Variants in SHTN1 observed in about 807,000 individuals in gnomAD.
SHTN1 encodes shootin-1.
In SHTN1, 42 loss-of-function variants were observed where a neutral mutation model predicts 83.1. The ratio of observed to expected loss-of-function variants is 0.51; its 90% CI spans 0.39 to 0.65. The LOEUF (loss-of-function observed/expected upper bound fraction) is 0.65. Among genes scored for constraint, SHTN1 ranks in the 30% least tolerant of loss-of-function variants. The pLI, the probability that SHTN1 is intolerant of heterozygous loss-of-function variation, is 0.00. For missense variants in SHTN1, 622 were observed against 737.8 expected (o/e 0.84, Z 1.82); for synonymous variants, 224 against 247.7 (o/e 0.90, Z 0.90).
At chr10:116,949,491 T>C (rs1273838424) in intron 6 of SHTN1, among the ~76,000 whole-genome samples, 1 of 152,102 alleles carries the variant, frequency 6.6e-6, no homozygotes, top group Non-Finnish European at 1.5e-5. Context: ...CAAGAATCAT[T>C]TAGTCAAGAT....
In SHTN1 at chr10:117,065,727, T is replaced by A. The variant is rs9702230; in HGVS notation, c.-188-17217A>T. Among the ~76,000 whole-genome samples, 12 of 12,008 alleles carry A rather than the reference T, an allele frequency of 1.0e-3. 3 individuals are homozygous for A. The highest frequency in any genetic ancestry group is 2.4e-3 in the Non-Finnish European group (9 of 3,714). The allele number at this position is 12,008 out of a possible 152,430, so 7.9% of individuals were successfully genotyped here. ...AGCGAGAGAGAGAGAGAGAGAGAGA[T>A]GAAAGAAAGAAAGAAAGAAAGAAAG... On this transcript the variant is annotated intron_variant, in intron 1 of 17. Coordinates refer to the SHTN1 transcript ENST00000392901.
At position 116,944,987 on chromosome 10, in the gene SHTN1, C is replaced by T. The variant is rs1018935324; in HGVS notation, c.648G>A (p.Glu216=). The T allele has an allele frequency of 1.2e-6, 2 of 1,610,330 alleles. No individual in the cohort carries two copies. Among genetic ancestry groups the T allele is most frequent in the Middle Eastern group, 1.6e-4 (1 of 6,076 alleles). The part of the protein sequence containing the change: ...VSMLAVEEYE[E]MQVNLELEKD... ...TCTCCAGCTCCAGGTTTACTTGCAT[C>T]TCCTCATACTCTTCTACAGCTAACA... Residue 216 remains glutamate, a synonymous_variant, in exon 8 of 17, where the codon GAG becomes GAA. Transcript: ENST00000355371.
chr10:117,048,195 G>C (rs1330856521), intron 2 of SHTN1, among the ~76,000 whole-genome samples: 2 of 152,094 alleles, frequency 1.3e-5, no homozygotes, highest in South Asian at 2.1e-4. Flanking sequence ...TTATGAATAA[G>C]ATTAAGTGGC....
At chr10:117,017,257 C>G (rs376178168) in intron 2 of SHTN1, among the ~76,000 whole-genome samples, 2 of 151,914 alleles carry the variant, frequency 1.3e-5, no homozygotes, top group Non-Finnish European at 2.9e-5. Context: ...TTTGGGAGGC[C>G]GAGGAGGGCG....
At chr10:117,065,776 GAAAGAAA>G (rs1564947261) in intron 1 of SHTN1, among the ~76,000 whole-genome samples, 5 of 25,486 alleles carry the variant, frequency 2.0e-4, no homozygotes, top group Non-Finnish European at 4.2e-4. Context: ...AAGAAAGAAA[GAAAGAAA>G]GGAAGGAAGG....
chr10:117,009,141 T>G (rs915581918), upstream of SHTN1, among the ~76,000 whole-genome samples: 1 of 151,378 alleles, frequency 6.6e-6, no homozygotes, highest in Non-Finnish European at 1.5e-5. Flanking sequence ...AAAGAAAATA[T>G]CAACCAAATA....
intron 1 of SHTN1, among the ~76,000 whole-genome samples, chr10:117,094,221 T>C (rs527951369): frequency 1.3e-5 from 2 of 152,350 alleles, no homozygotes; most frequent in South Asian, 4.1e-4. Flanking sequence ...GTATTTGTCT[T>C]GACTTATTTT....
At chr10:116,904,024 G>A (rs976762645) in intron 15 of SHTN1, among the ~76,000 whole-genome samples, 1 of 152,112 alleles carries the variant, frequency 6.6e-6, no homozygotes, top group Non-Finnish European at 1.5e-5. Context: ...TAAGGAAAAG[G>A]GTACAACATC....
chr10:117,097,028 T>TAC lies in SHTN1; in HGVS notation c.-189+29278_-189+29279insGT, dbSNP rs1472242175. On this transcript the variant is annotated intron_variant, in intron 1 of 17. Transcript: ENST00000392901. ...GCACGCGCGCGCACACACACACACA[T>TAC]AGACACACACACACACACACACACA... is the stretch of plus-strand genomic sequence containing the variant. Among the ~76,000 whole-genome samples the TAC allele has an allele frequency of 3.6e-3, 358 of 98,530 alleles. 5 individuals carry two copies. Among genetic ancestry groups the TAC allele is most frequent in the South Asian group, 0.014 (37 of 2,650 alleles). The allele number at this position is 98,530 out of a possible 152,430, so 64.6% of individuals were successfully genotyped here.
intron 2 of SHTN1, among the ~76,000 whole-genome samples, chr10:117,045,913 G>A (rs1453196542): frequency 1.3e-5 from 2 of 152,044 alleles, no homozygotes; most frequent in African/African-American, 4.8e-5. Flanking sequence ...GGTAAGGTAA[G>A]CAGACAGATA....
chr10:117,090,421 T>A (rs930068706), intron 1 of SHTN1, among the ~76,000 whole-genome samples: 1 of 152,100 alleles, frequency 6.6e-6, no homozygotes, highest in Admixed American at 6.5e-5. Context: ...GCTGGGGAGT[T>A]GTTGTTTTAA....
At chr10:116,893,417 T>A (rs1400464629) in intron 16 of SHTN1, among the ~76,000 whole-genome samples, 1 of 152,128 alleles carries the variant, frequency 6.6e-6, no homozygotes, top group Non-Finnish European at 1.5e-5. Flanking sequence ...AAGATTACAG[T>A]TGAGAGCAGA....
chr10:116,961,588 A>G (rs1850187078), intron 3 of SHTN1, among the ~76,000 whole-genome samples: 1 of 152,182 alleles, frequency 6.6e-6, no homozygotes, highest in Non-Finnish European at 1.5e-5. Context: ...AGGGCCTAAA[A>G]GCTGCTGATG....
At chr10:116,920,291 T>C (rs1013859865) in intron 12 of SHTN1, among the ~76,000 whole-genome samples, 7 of 152,154 alleles carry the variant, frequency 4.6e-5, no homozygotes, top group Admixed American at 3.3e-4. Context: ...CCTCCTTGTT[T>C]TAAGCCTTTG....
At chr10:117,005,345 C>A, upstream of SHTN1, 1 of 1,273,572 alleles carries the variant, frequency 7.9e-7, no homozygotes, top group Non-Finnish European at 1.0e-6. Context: ...GAGGGCGGGT[C>A]GGCAGCCGCT....
intron 1 of SHTN1, among the ~76,000 whole-genome samples, chr10:117,066,965 G>A (rs575391520): frequency 1.3e-5 from 2 of 152,214 alleles, no homozygotes; most frequent in East Asian, 3.9e-4. Context: ...ACTAAGACTT[G>A]GAAAGTAAAC....
chr10:116,930,224 A>G (rs1848907513), intron 9 of SHTN1, among the ~76,000 whole-genome samples: 1 of 152,134 alleles, frequency 6.6e-6, no homozygotes, highest in Non-Finnish European at 1.5e-5. Flanking sequence ...TACGTACCAG[A>G]CACTTTAATT....
intron 2 of SHTN1, among the ~76,000 whole-genome samples, chr10:117,039,233 C>A (rs984923899): frequency 1.3e-5 from 2 of 152,102 alleles, no homozygotes; most frequent in African/African-American, 4.8e-5. Flanking sequence ...TGAAATAAGC[C>A]AATCTGAAAA....
At chr10:117,072,495 G>T (rs1327805117) in intron 1 of SHTN1, among the ~76,000 whole-genome samples, 1 of 152,136 alleles carries the variant, frequency 6.6e-6, no homozygotes, top group Non-Finnish European at 1.5e-5. Flanking sequence ...ATACTGTGCT[G>T]GTATCCACAG....
Sources: gnomAD v4.1 joint callset for allele counts (sites outside exome capture counted in the v4.1 genomes callset) on GRCh38, gnomAD v4.1.1 for gene constraint, MANE v1.5 for transcripts, NCBI Gene and HGNC (gene_info 2026-07-23, HGNC 2026-07-21) for gene names.